The following GLIS1 variants were observed in gnomAD, a reference collection of about 807,000 sequenced individuals.
GLIS1 encodes the protein zinc finger protein GLIS1.
GLIS1 carries 24 observed loss-of-function variants against 63.8 expected under a neutral mutation model. The observed-to-expected ratio is 0.38, with a 90% CI of 0.27 to 0.53. GLIS1 has a LOEUF of 0.53. Ranked by LOEUF, GLIS1 falls within the 20% of genes least tolerant of loss-of-function variation. The pLI is 0.85. For missense variants in GLIS1, 1,036 were observed against 1,074.1 expected, an observed-to-expected ratio of 0.96 and a Z score of 0.50; for synonymous variants, 450 against 482.5, an observed-to-expected ratio of 0.93 and a Z score of 0.88.
Position 53,578,672 on chromosome 1 carries a change from C to T in GLIS1, c.1320+15436G>A, listed in dbSNP as rs141162545. On this transcript the variant is annotated intron_variant, in intron 4 of 10. Transcript: ENST00000628545. Reference sequence around the variant, plus strand: ...TCCAGGAAAATATACGATTCAATCACGATAATTAAGTGAGCTTAGGTTTTC... The same window carrying T: ...TCCAGGAAAATATACGATTCAATCATGATAATTAAGTGAGCTTAGGTTTTC... Among the ~76,000 whole-genome samples, 123 of 152,300 alleles carry T rather than the reference C, an allele frequency of 8.1e-4. 1 individual carries two copies. In the Middle Eastern group the frequency reaches 0.02, roughly 25 times the overall value.
At chr1:53,612,583 T>C (rs1440986991) in intron 2 of GLIS1, among the ~76,000 whole-genome samples, 2 of 152,144 alleles carry the variant, frequency 1.3e-5, no homozygotes, top group African/African-American at 4.8e-5. Flanking sequence ...CCTGGGATCT[T>C]GACCCCTCAT....
At position 53,510,311 on chromosome 1, in the gene GLIS1, G is replaced by T. The variant is rs540432624; in HGVS notation, c.1884-284C>A. Among the ~76,000 whole-genome samples, 16 of 152,322 alleles carry T rather than the reference G, an allele frequency of 1.1e-4. No individual in the cohort carries two copies. In the East Asian group the frequency reaches 3.1e-3, roughly 29 times the overall value. ...GAGAACTGTGTTCAAACCCCTAATTGCTCCGTTGGCCAACTATTTTGGGCA... is the reference window on the plus strand; with the variant it reads ...GAGAACTGTGTTCAAACCCCTAATTTCTCCGTTGGCCAACTATTTTGGGCA... On this transcript the variant is annotated intron_variant, in intron 8 of 10. Coordinates refer to ENST00000628545, the MANE Select transcript of GLIS1 (RefSeq NM_001367484.1).
At chr1:53,619,047 T>C (rs1045762332) in intron 2 of GLIS1, among the ~76,000 whole-genome samples, 3 of 152,244 alleles carry the variant, frequency 2.0e-5, no homozygotes, top group Admixed American at 6.5e-5. Context: ...GTGAATCCCC[T>C]GTCAAAAGGC....
intron 4 of GLIS1, among the ~76,000 whole-genome samples, chr1:53,590,391 C>A (rs1645177369): frequency 6.6e-6 from 1 of 152,062 alleles, no homozygotes; most frequent in Admixed American, 6.5e-5. Flanking sequence ...AAACTCTTCA[C>A]CAAAGTAAGG....
intron 2 of GLIS1, among the ~76,000 whole-genome samples, chr1:53,675,159 A>G (rs1438247096): frequency 1.3e-5 from 2 of 152,194 alleles, no homozygotes; most frequent in Non-Finnish European, 2.9e-5. Flanking sequence ...GAGGGTCCTG[A>G]TAACTCCAGC....
chr1:53,556,844 G>A (rs2100426167), intron 4 of GLIS1, among the ~76,000 whole-genome samples: 1 of 150,038 alleles, frequency 6.7e-6, no homozygotes, highest in Non-Finnish European at 1.5e-5. Context: ...TGCAGCATGT[G>A]TGTGTGTGCA....
At chr1:53,681,305 T>A (rs553004786) in intron 2 of GLIS1, among the ~76,000 whole-genome samples, 20 of 152,346 alleles carry the variant, frequency 1.3e-4, no homozygotes, top group African/African-American at 4.3e-4. Context: ...CAGCCTGAGG[T>A]GGGCTGAGAT....
intron 2 of GLIS1, among the ~76,000 whole-genome samples, chr1:53,621,745 T>C (rs1374462575): frequency 1.3e-5 from 2 of 152,236 alleles, no homozygotes; most frequent in East Asian, 3.8e-4. Flanking sequence ...GGTGAGTTTC[T>C]TCTTATTTCG....
intron 7 of GLIS1, among the ~76,000 whole-genome samples, chr1:53,516,218 C>CT (rs1429023566): frequency 1.3e-5 from 2 of 152,166 alleles, no homozygotes; most frequent in Non-Finnish European, 2.9e-5. Context: ...GACCAGTGCT[C>CT]TTATTACACC....
At chr1:53,517,221 C>G (rs186758645) in intron 7 of GLIS1, among the ~76,000 whole-genome samples, 2 of 152,102 alleles carry the variant, frequency 1.3e-5, no homozygotes, top group Admixed American at 1.3e-4. Context: ...GTCTGGATAC[C>G]CAGCTGAGGC....
intron 2 of GLIS1, among the ~76,000 whole-genome samples, chr1:53,654,644 G>C (rs925951370): frequency 6.6e-6 from 1 of 152,190 alleles, no homozygotes; most frequent in Non-Finnish European, 1.5e-5. Context: ...GGAGAGCGCA[G>C]TGTCTGGAGA....
rs566332450 is a variant in GLIS1 at position 53,511,971 on chromosome 1, A to C, written c.1884-1944T>G. Among the ~76,000 whole-genome samples, 1 of 152,350 alleles carries C rather than the reference A, an allele frequency of 6.6e-6. No homozygotes were observed. The highest frequency in any genetic ancestry group is 2.4e-5 in the African/African-American group (1 of 41,590). ...GGGCATGGCACACAGTGAAAAACCA[A>C]TGACACTAATAAATGAGTTTCTGAA... On this transcript the variant is annotated intron_variant, in intron 8 of 10. Transcript: ENST00000628545. This position sits in a 1 kb window ranked among gnomAD's most constrained non-coding sequence, Gnocchi z 4.2.
intron 2 of GLIS1, among the ~76,000 whole-genome samples, chr1:53,650,419 G>A (rs1353096725): frequency 5.3e-5 from 8 of 152,046 alleles, no homozygotes; most frequent in Admixed American, 1.3e-4. Context: ...GCGAAACCAC[G>A]TCTCTACTAA....
At chr1:53,590,675 G>A (rs573984046) in intron 4 of GLIS1, among the ~76,000 whole-genome samples, 4 of 152,316 alleles carry the variant, frequency 2.6e-5, no homozygotes, top group Middle Eastern at 3.4e-3. Flanking sequence ...TAACACAGAT[G>A]AAGCACCACA....
intron 2 of GLIS1, among the ~76,000 whole-genome samples, chr1:53,713,946 C>G (rs1280904366): frequency 6.6e-6 from 1 of 152,256 alleles, no homozygotes; most frequent in Non-Finnish European, 1.5e-5. Context: ...CCCTGGCCCC[C>G]TGAGGGCCTC....
intron 2 of GLIS1, among the ~76,000 whole-genome samples, chr1:53,710,750 A>G (rs1304317401): frequency 4.6e-5 from 7 of 152,154 alleles, no homozygotes; most frequent in Non-Finnish European, 1.0e-4. Flanking sequence ...AGGGCCTGTC[A>G]CGCTCGTGCA....
chr1:53,675,632 C>T (rs1333429829), intron 2 of GLIS1, among the ~76,000 whole-genome samples: 1 of 152,202 alleles, frequency 6.6e-6, no homozygotes, highest in Non-Finnish European at 1.5e-5. Context: ...TCACAGCTGG[C>T]CTCAAGCACA....
chr1:53,647,453 C>T (rs866037231), intron 2 of GLIS1, among the ~76,000 whole-genome samples: 33 of 152,098 alleles, frequency 2.2e-4, no homozygotes, highest in African/African-American at 8.0e-4. Context: ...GGAAGGACAA[C>T]GTGGTCAATA....
chr1:53,565,727 T>C (rs750029693), intron 4 of GLIS1, among the ~76,000 whole-genome samples: 35 of 152,074 alleles, frequency 2.3e-4, no homozygotes, highest in Admixed American at 2.0e-4. Flanking sequence ...TTAAAATCTT[T>C]CCACAAAGAT....
Sources: gnomAD v4.1 joint callset for allele counts (sites outside exome capture counted in the v4.1 genomes callset) on GRCh38, gnomAD v4.1.1 for gene constraint, Gnocchi (gnomAD v3.1) non-coding constraint, MANE v1.5 for transcripts, NCBI Gene and HGNC (gene_info 2026-07-23, HGNC 2026-07-21) for gene names.